PIP5K1B: variants seen among roughly 807,000 people sequenced by gnomAD.
The protein encoded by PIP5K1B is phosphatidylinositol 4-phosphate 5-kinase type-1 beta.
A neutral mutation model predicts 67.0 loss-of-function variants in PIP5K1B; 42 were observed. That is an observed-to-expected ratio of 0.63 (90% CI 0.49 to 0.81). The LOEUF (loss-of-function observed/expected upper bound fraction) is 0.81, where lower values mean the gene tolerates loss of function less well. Ranked by LOEUF, PIP5K1B falls within the 30% of genes least tolerant of loss-of-function variation. PIP5K1B has a pLI of 0.00. For missense variants in PIP5K1B, 459 were observed against 646.3 expected (o/e 0.71, Z 3.14); for synonymous variants, 214 against 231.4 (o/e 0.92, Z 0.68).
intron 6 of PIP5K1B, among the ~76,000 whole-genome samples, chr9:68,880,418 G>T (rs1411980046): frequency 6.6e-6 from 1 of 152,062 alleles, no homozygotes; most frequent in Non-Finnish European, 1.5e-5. Flanking sequence ...AGCTGGGCAC[G>T]GTGGCATGAG....
At chr9:68,967,175 CA>C (rs1461968603) in intron 14 of PIP5K1B, among the ~76,000 whole-genome samples, 1 of 152,162 alleles carries the variant, frequency 6.6e-6, no homozygotes, top group African/African-American at 2.4e-5. Context: ...ATGAATGAAT[CA>C]AGGGCACTGT....
chr9:68,836,590 T>A (rs1201743749), intron 4 of PIP5K1B, among the ~76,000 whole-genome samples: 1 of 152,208 alleles, frequency 6.6e-6, no homozygotes, highest in Non-Finnish European at 1.5e-5. Context: ...GGAGAAATTT[T>A]GTTTTTAGCA....
intron 13 of PIP5K1B, among the ~76,000 whole-genome samples, chr9:68,938,792 A>G (rs1185619781): frequency 6.6e-6 from 1 of 152,144 alleles, no homozygotes; most frequent in Non-Finnish European, 1.5e-5. Flanking sequence ...GCCAAGAGCC[A>G]TGTTTAGCCC....
intron 15 of PIP5K1B, among the ~76,000 whole-genome samples, chr9:69,002,594 T>C (rs1024589384): frequency 6.6e-6 from 1 of 152,018 alleles, no homozygotes; most frequent in Non-Finnish European, 1.5e-5. Flanking sequence ...AGGATAGATA[T>C]GAATATAATA....
chr9:68,900,870 G>A (rs529578618), intron 8 of PIP5K1B, among the ~76,000 whole-genome samples: 1 of 152,274 alleles, frequency 6.6e-6, no homozygotes, highest in African/African-American at 2.4e-5. Flanking sequence ...GTCTTTCTAT[G>A]TAAGGCAAGT....
chr9:68,724,952 A>G (rs1453643921), intron 1 of PIP5K1B, among the ~76,000 whole-genome samples: 1 of 152,196 alleles, frequency 6.6e-6, no homozygotes, highest in East Asian at 1.9e-4. Flanking sequence ...ACCTCAAACT[A>G]AAAGTGCCTG....
Position 68,792,465 on chromosome 9 carries a change from G to GTTGT in PIP5K1B, c.-85-25969_-85-25966dup, listed in dbSNP as rs202162149. Among the ~76,000 whole-genome samples, 356 of 110,972 alleles carry GTTGT rather than the reference G, an allele frequency of 3.2e-3. 6 individuals carry two copies. The highest frequency in any genetic ancestry group is 8.9e-3 in the African/African-American group (245 of 27,670). The allele number at this position is 110,972 out of a possible 152,430, so 72.8% of individuals were successfully genotyped here. A position where few individuals can be genotyped will look rare whatever the true frequency, so the allele number is the denominator to read the frequency against. On this transcript the variant is annotated intron_variant, in intron 2 of 15. Transcript: ENST00000265382. ...ACTGTGGCACATGTGTTTTTTTGTT[G>GTTGT]TTGTTTGTTTGTTTGTTTGTTTGTT...
rs183025922 is a variant in PIP5K1B, at chr9:68,765,677, G to T, written c.-86+23020G>T. Among the ~76,000 whole-genome samples the T allele has an allele frequency of 3.3e-3, 502 of 152,150 alleles. 3 individuals carry two copies. Among genetic ancestry groups the T allele is most frequent in the Admixed American group, 8.1e-3 (124 of 15,296 alleles). On this transcript the variant is annotated intron_variant, in intron 2 of 15. Coordinates refer to ENST00000265382, the MANE Select transcript of PIP5K1B (RefSeq NM_003558.4). ...AGTGATTTGCCATTTATTGAGAAGGGCCAAAAAGCACATTAAAATATCCAA... is the reference window on the plus strand; with the variant it reads ...AGTGATTTGCCATTTATTGAGAAGGTCCAAAAAGCACATTAAAATATCCAA...
At chr9:68,980,529 G>A (rs1227353870) in intron 14 of PIP5K1B, among the ~76,000 whole-genome samples, 1 of 152,180 alleles carries the variant, frequency 6.6e-6, no homozygotes, top group Admixed American at 6.5e-5. Flanking sequence ...GAGTCTCAGA[G>A]GTAAGAGTCC....
In PIP5K1B at chr9:68,737,945, G is replaced by A. The variant is rs529872388; in HGVS notation, c.-242-4556G>A. Among the ~76,000 whole-genome samples the A allele has an allele frequency of 9.2e-5, 14 of 152,202 alleles. No homozygotes were observed. The South Asian group carries it at 1.0e-3, about 11-fold the overall frequency. On this transcript the variant is annotated intron_variant, in intron 1 of 15. Coordinates refer to ENST00000265382, the MANE Select transcript of PIP5K1B (RefSeq NM_003558.4). ...AAGCATTTGACAAATATCTCTCACC[G>A]GTCTCCTTACGCACATAATAGAGAG...
intron 7 of PIP5K1B, among the ~76,000 whole-genome samples, chr9:68,889,670 G>A (rs1824667792): frequency 6.7e-6 from 1 of 149,508 alleles, no homozygotes; most frequent in African/African-American, 2.5e-5. Context: ...GGGAGGCGGA[G>A]CTTGCAGTGA....
intron 4 of PIP5K1B, among the ~76,000 whole-genome samples, chr9:68,850,180 C>T (rs1278084890): frequency 6.6e-6 from 1 of 152,174 alleles, no homozygotes; most frequent in Admixed American, 6.5e-5. Context: ...CATCTCTGTC[C>T]ATCACATCTG....
At chr9:68,760,511 A>G (rs1371500627) in intron 2 of PIP5K1B, among the ~76,000 whole-genome samples, 2 of 152,032 alleles carry the variant, frequency 1.3e-5, no homozygotes, top group African/African-American at 4.8e-5. Flanking sequence ...GAGAATTCAT[A>G]CCCACATTTC....
chr9:68,843,743 G>A (rs1050188544), intron 4 of PIP5K1B, among the ~76,000 whole-genome samples: 2 of 152,190 alleles, frequency 1.3e-5, no homozygotes, highest in Admixed American at 1.3e-4. Flanking sequence ...CTTACCCAAC[G>A]AGACTGTAGA....
intron 6 of PIP5K1B, among the ~76,000 whole-genome samples, chr9:68,886,209 G>A (rs1381075426): frequency 1.3e-5 from 2 of 151,938 alleles, no homozygotes; most frequent in Admixed American, 6.6e-5. Flanking sequence ...TAAAGATGAT[G>A]TGGTTCTTTA....
intron 4 of PIP5K1B, among the ~76,000 whole-genome samples, chr9:68,848,178 A>G (rs1348769750): frequency 6.6e-6 from 1 of 152,238 alleles, no homozygotes; most frequent in Non-Finnish European, 1.5e-5. Flanking sequence ...GCTAGCTAAT[A>G]GAATGGTGAA....
chr9:68,952,789 G>C (rs1257190423), intron 14 of PIP5K1B, among the ~76,000 whole-genome samples: 1 of 151,038 alleles, frequency 6.6e-6, no homozygotes, highest in East Asian at 1.9e-4. Flanking sequence ...TGCTTTCTTT[G>C]CCTGCCTGTC....
intron 2 of PIP5K1B, chr9:68,780,967 C>G: frequency 6.2e-7 from 1 of 1,614,240 alleles, no homozygotes; most frequent in South Asian, 1.1e-5. Context: ...ACCGACTCTC[C>G]TGTGTCACCT....
chr9:68,869,950 G>T (rs948593150), intron 5 of PIP5K1B, among the ~76,000 whole-genome samples: 1 of 152,194 alleles, frequency 6.6e-6, no homozygotes, highest in Non-Finnish European at 1.5e-5. Flanking sequence ...GGGAGAAAAT[G>T]AGAAGTGACT....
Sources: gnomAD v4.1 joint callset for allele counts (sites outside exome capture counted in the v4.1 genomes callset) on GRCh38, gnomAD v4.1.1 for gene constraint, MANE v1.5 for transcripts, NCBI Gene and HGNC (gene_info 2026-07-23, HGNC 2026-07-21) for gene names.